Variants in SPX observed in about 807,000 individuals in gnomAD.
SPX encodes the protein spexin.
In SPX, 22 loss-of-function variants were observed where a neutral mutation model predicts 19.2. The ratio of observed to expected loss-of-function variants is 1.15; its 90% CI spans 0.82 to 1.64. The LOEUF is 1.64. Among genes scored for constraint, SPX ranks in the 40% most tolerant of loss-of-function variants. SPX has a pLI of 0.00. For missense variants in SPX, 143 were observed against 137.7 expected, an observed-to-expected ratio of 1.04 and a Z score of -0.19; for synonymous variants, 50 against 53.3, an observed-to-expected ratio of 0.94 and a Z score of 0.27.
chr12:21,526,933 T>G lies in SPX; in HGVS notation c.54T>G (p.Phe18Leu). 6.2e-7 allele frequency: 1 copy of G among 1,614,248 alleles called. No homozygotes were observed. Among genetic ancestry groups the G allele is most frequent in the East Asian group, 2.2e-5 (1 of 44,890 alleles). The change falls in exon 2 of 6, where the codon TTT becomes TTG. Residue 18 changes from phenylalanine (F) to leucine (L), a missense_variant. Phe to Leu is a conservative substitution (Grantham distance 22, BLOSUM62 0). Coordinates refer to ENST00000256969, the MANE Select transcript of SPX (RefSeq NM_030572.4). Reference sequence around the variant, plus strand: ...CAACCTTGGCTCTTTTCCTGGTGTTTGTTTTCCTGGGAAACTCCAGCTGCG... The same window carrying G: ...CAACCTTGGCTCTTTTCCTGGTGTTGGTTTTCCTGGGAAACTCCAGCTGCG... ...AATTLALFLV[F>L]VFLGNSSCAP...
At chr12:21,528,006 C>T in intron 4 of SPX, 1 of 549,034 alleles carries the variant, frequency 1.8e-6, no homozygotes, top group Non-Finnish European at 3.2e-6. Flanking sequence ...GCGCGTCCAG[C>T]CCCGCGCCAA....
At chr12:21,528,103 G>T (rs1240081438) in intron 4 of SPX, 7 of 347,778 alleles carry the variant, frequency 2.0e-5, no homozygotes, top group African/African-American at 8.6e-5. Context: ...GGCTGCCAGG[G>T]TGTGCAGAGG....
At chr12:21,528,825 T>C (rs1425904014) in intron 4 of SPX, among the ~76,000 whole-genome samples, 176 bp from the exon 5 acceptor site, 1 of 152,232 alleles carries the variant, frequency 6.6e-6, no homozygotes, top group Non-Finnish European at 1.5e-5. Flanking sequence ...TTGTAAGTCA[T>C]TTCCAAGGCA....
Position 21,527,327 on chromosome 12 carries a change from G to T in SPX, c.145+135G>T, listed in dbSNP as rs145715481. 19 of 825,840 alleles carry T rather than the reference G, an allele frequency of 2.3e-5. No homozygotes were observed. In the East Asian group the frequency reaches 4.7e-4, roughly 21 times the overall value. 51.2% of individuals were successfully genotyped at this position (825,840 alleles called of 1,614,324 possible). A position where few individuals can be genotyped will look rare whatever the true frequency, so the allele number is the denominator to read the frequency against. ...AATCATCGAGGCCATCAAAGAGACCGGTAGGTGAGGGAGGGGTGGGAGAGG... is the reference window on the plus strand; with the variant it reads ...AATCATCGAGGCCATCAAAGAGACCTGTAGGTGAGGGAGGGGTGGGAGAGG... On this transcript the variant is annotated intron_variant, in intron 3 of 5. Coordinates refer to ENST00000256969, the MANE Select transcript of SPX (RefSeq NM_030572.4).
At chr12:21,527,274 A>G in intron 3 of SPX, 82 bp downstream of exon 3, 2 of 1,375,392 alleles carry the variant, frequency 1.5e-6, no homozygotes, top group Non-Finnish European at 2.1e-6. Flanking sequence ...AGTTATGGAG[A>G]GAGAATAATG....
chr12:21,531,145 A>G lies in SPX; in HGVS notation c.301A>G (p.Lys101Glu), dbSNP rs1381029988. The G allele has an allele frequency of 2.5e-6, 4 of 1,584,426 alleles. No homozygotes were observed. Among genetic ancestry groups the G allele is most frequent in the Non-Finnish European group, 3.4e-6 (4 of 1,162,626 alleles). ...ATTTTTTTTTCTTACAGATGAAGAA[A>G]AAAACTTTGATCAAACCAGATTCCT... ...SLQKSPEDEEKNFDQTRFLED... is the reference protein window; with the variant it reads ...SLQKSPEDEEENFDQTRFLED... The change falls in exon 6 of 6, where the codon AAA becomes GAA. Residue 101 changes from lysine to glutamate, a missense_variant. Coordinates refer to ENST00000256969, the MANE Select transcript of SPX (RefSeq NM_030572.4).
chr12:21,530,925 A>G (rs1943859144), intron 5 of SPX, among the ~76,000 whole-genome samples: 1 of 152,192 alleles, frequency 6.6e-6, no homozygotes, highest in African/African-American at 2.4e-5. Context: ...GATGTAAAAT[A>G]TGAATTCCCC....
intron 4 of SPX, 26 bp from the exon 5 acceptor site, chr12:21,528,975 A>G: frequency 6.3e-7 from 1 of 1,575,910 alleles, no homozygotes; most frequent in Non-Finnish European, 8.7e-7. Context: ...TGCTAAGAGA[A>G]TCTGTATACA....
At chr12:21,527,379 C>A in intron 3 of SPX, 187 bp downstream of exon 3, 1 of 626,876 alleles carries the variant, frequency 1.6e-6, no homozygotes, top group Non-Finnish European at 2.8e-6. Context: ...ATTGGAAATC[C>A]TCCATCCTTA....
intron 5 of SPX, among the ~76,000 whole-genome samples, chr12:21,530,079 A>C (rs551484718): frequency 7.2e-5 from 11 of 152,340 alleles, no homozygotes; most frequent in South Asian, 4.1e-4. Flanking sequence ...TTTTTTGGAA[A>C]ATAAATATGT....
intron 5 of SPX, among the ~76,000 whole-genome samples, chr12:21,530,833 C>T (rs751481454): frequency 2.0e-5 from 3 of 152,102 alleles, no homozygotes; most frequent in Non-Finnish European, 2.9e-5. Context: ...AGATATAAGT[C>T]AATCTGTGAG....
chr12:21,528,052 C>T, intron 4 of SPX: 2 of 485,398 alleles, frequency 4.1e-6, no homozygotes, highest in East Asian at 3.6e-5. Context: ...CGCTGCGGCT[C>T]CCCAAGCCTT....
intron 2 of SPX, 70 bp from the exon 3 acceptor site, chr12:21,527,065 T>C: frequency 6.3e-7 from 1 of 1,584,876 alleles, no homozygotes; most frequent in Non-Finnish European, 8.7e-7. Context: ...TCTTTTTCCT[T>C]TATTTTGCTG....
intron 5 of SPX, among the ~76,000 whole-genome samples, chr12:21,529,408 G>T (rs1479938660): frequency 6.6e-6 from 1 of 152,004 alleles, no homozygotes; most frequent in Non-Finnish European, 1.5e-5. Flanking sequence ...AAGGGAAATG[G>T]GGGGAAATAG....
chr12:21,530,140 T>G (rs931736485), intron 5 of SPX, among the ~76,000 whole-genome samples: 1 of 152,210 alleles, frequency 6.6e-6, no homozygotes, highest in Admixed American at 6.5e-5. Flanking sequence ...GAAGATGAAA[T>G]GACTAATTTT....
rs371671017 is a variant in SPX, at chr12:21,527,822, T to C, written c.208+33T>C. The C allele has an allele frequency of 4.5e-6, 7 of 1,557,518 alleles. No individual in the cohort carries two copies. The African/African-American group carries it at 8.1e-5, about 18-fold the overall frequency. ...ACCAAGGGTGCAAGGGCGCTAGTCC[T>C]GCGCTTTTGGAATAGGATGGGGCGG... is the stretch of plus-strand genomic sequence containing the variant. On this transcript the variant is annotated intron_variant, in intron 4 of 5. Coordinates refer to ENST00000256969, the MANE Select transcript of SPX (RefSeq NM_030572.4).
At chr12:21,529,371 G>C (rs1943843143) in intron 5 of SPX, among the ~76,000 whole-genome samples, 1 of 152,000 alleles carries the variant, frequency 6.6e-6, no homozygotes, top group African/African-American at 2.4e-5. Context: ...AGTGGGAAAA[G>C]GGAAGACAAT....
At chr12:21,527,510 T>C in intron 3 of SPX, 1 of 616,192 alleles carries the variant, frequency 1.6e-6, no homozygotes. Context: ...CGGCGTCCGG[T>C]CAGGCGCGGG....
Position 21,531,451 on chromosome 12 carries a change from T to G in SPX, c.*256T>G, listed in dbSNP as rs1943864476. The G allele has an allele frequency of 3.4e-6, 1 of 294,326 alleles. No individual in the cohort carries two copies. Among genetic ancestry groups the G allele is most frequent in the African/African-American group, 2.2e-5 (1 of 45,908 alleles). The allele number at this position is 294,326 out of a possible 1,614,324, so 18.2% of individuals were successfully genotyped here. A position where few individuals can be genotyped will look rare whatever the true frequency, so the allele number is the denominator to read the frequency against. On this transcript the variant is annotated 3_prime_UTR_variant, in exon 6 of 6. Transcript: ENST00000256969. The stretch of plus-strand genomic sequence containing the variant: ...CTTACTCTTGAGTTTCTTAGAATAT[T>G]TATAATTATAAGGCTGAAGACTAAA...
Sources: allele counts gnomAD v4.1 joint callset (sites outside exome capture counted in the v4.1 genomes callset), GRCh38; gene constraint gnomAD v4.1.1; transcripts MANE v1.5; gene names NCBI Gene and HGNC (gene_info 2026-07-23, HGNC 2026-07-21).